ADCY8: variants seen among roughly 807,000 people sequenced by gnomAD.
ADCY8 encodes the protein adenylate cyclase type 8.
Under a neutral mutation model 119.7 loss-of-function variants are expected in ADCY8, and 51 were observed. The observed-to-expected ratio is 0.43, with a 90% CI of 0.34 to 0.54. ADCY8 has a LOEUF of 0.54. ADCY8 is among the 20% of genes least tolerant of loss of function. ADCY8 has a pLI of 0.03. For missense variants in ADCY8, 1,383 were observed against 1,598.8 expected (o/e 0.87, Z 2.30); for synonymous variants, 665 against 651.0 (o/e 1.02, Z -0.33).
chr8:130,984,238 T>C lies in ADCY8; in HGVS notation c.1110+6155A>G, dbSNP rs554197026. Among the ~76,000 whole-genome samples, 4 of 151,928 alleles carry C rather than the reference T, an allele frequency of 2.6e-5. No individual in the cohort carries two copies. The East Asian group carries it at 7.7e-4, about 29-fold the overall frequency. On this transcript the variant is annotated intron_variant, in intron 2 of 17. Transcript: ENST00000286355. Reference sequence around the variant, plus strand: ...GCTCCCTGTGGGGAGGAGAGGAGACTGCATGAGTGGGCTCCCTGTGGGGTA... The same window carrying C: ...GCTCCCTGTGGGGAGGAGAGGAGACCGCATGAGTGGGCTCCCTGTGGGGTA...
Position 130,903,982 on chromosome 8 carries a change from C to G in ADCY8, c.1701G>C (p.Glu567Asp), listed in dbSNP as rs1219015892. Residue 567 changes from glutamate to aspartate, a missense_variant, in exon 7 of 18, where the codon GAG becomes GAC. Glu to Asp is a conservative substitution (Grantham distance 45). Transcript: ENST00000286355. ...ATTCATTCCTCTCTTTACCATGGCC[C>G]TCTTCCACGTTATAGTCACCGTTGA... ...DCLNGDYNVE[E>D]GHGKERNEFL... 6.2e-7 allele frequency: 1 copy of G among 1,614,136 alleles called. No individual in the cohort carries two copies. Among genetic ancestry groups the G allele is most frequent in the Non-Finnish European group, 8.5e-7 (1 of 1,180,016 alleles).
chr8:130,850,376 A>G (rs928953455), intron 9 of ADCY8, among the ~76,000 whole-genome samples: 11 of 152,022 alleles, frequency 7.2e-5, no homozygotes, highest in African/African-American at 2.7e-4. Flanking sequence ...CTCTCATCAA[A>G]ACTCTGTCCC....
chr8:130,916,593 C>T (rs1820136258), intron 5 of ADCY8, among the ~76,000 whole-genome samples: 1 of 152,188 alleles, frequency 6.6e-6, no homozygotes, highest in Admixed American at 6.5e-5. Context: ...TCCATAATGG[C>T]CATAACGCAC....
intron 13 of ADCY8, among the ~76,000 whole-genome samples, chr8:130,814,461 T>C (rs1198365221): frequency 6.6e-6 from 1 of 152,252 alleles, no homozygotes; most frequent in Non-Finnish European, 1.5e-5. Flanking sequence ...TGTGATTTCA[T>C]ACTTGTTTGT....
chr8:130,815,724 A>T (rs554286068), intron 13 of ADCY8, among the ~76,000 whole-genome samples: 1 of 152,382 alleles, frequency 6.6e-6, no homozygotes, highest in Admixed American at 6.5e-5. Context: ...AGACAGATAT[A>T]GCTTAGAGTT....
At chr8:131,019,620 T>A (rs1009590224) in intron 1 of ADCY8, among the ~76,000 whole-genome samples, 1 of 152,200 alleles carries the variant, frequency 6.6e-6, no homozygotes, top group African/African-American at 2.4e-5. Context: ...CCTATTGCCA[T>A]ACATACAAGC....
chr8:130,833,587 T>C (rs975505536), intron 12 of ADCY8, among the ~76,000 whole-genome samples: 2 of 152,196 alleles, frequency 1.3e-5, no homozygotes, highest in Admixed American at 6.5e-5. Flanking sequence ...GATGACATTA[T>C]GTTAATGAAA....
intron 8 of ADCY8, among the ~76,000 whole-genome samples, chr8:130,880,168 A>T (rs1440695829): frequency 6.6e-6 from 1 of 152,098 alleles, no homozygotes; most frequent in Non-Finnish European, 1.5e-5. Context: ...TTCTTTTGTA[A>T]ATTGCCCCAT....
intron 3 of ADCY8, among the ~76,000 whole-genome samples, chr8:130,949,315 A>G (rs1821204637): frequency 6.6e-6 from 1 of 151,698 alleles, no homozygotes; most frequent in Non-Finnish European, 1.5e-5. Flanking sequence ...AATTTTCCTT[A>G]TTTTTCTTTT....
chr8:130,914,592 T>C (rs535684645), intron 5 of ADCY8, among the ~76,000 whole-genome samples: 2 of 152,338 alleles, frequency 1.3e-5, no homozygotes, highest in South Asian at 4.1e-4. Context: ...GGCTACCCTG[T>C]GGTTGCAAAG....
At position 130,848,945 on chromosome 8, in the gene ADCY8, T is replaced by C. The variant is rs949192888; in HGVS notation, c.2412+657A>G. ...GTGAAATACAAACTTTTAGAAAGTA[T>C]AGGTGAGATACTCAGCTTTCCTGAA... On this transcript the variant is annotated intron_variant, in intron 10 of 17. Coordinates refer to ENST00000286355, the MANE Select transcript of ADCY8 (RefSeq NM_001115.3). Among the ~76,000 whole-genome samples, 6 of 152,170 alleles carry C rather than the reference T, an allele frequency of 3.9e-5. No individual in the cohort carries two copies. The East Asian group carries it at 7.7e-4, about 20-fold the overall frequency.
chr8:130,944,549 T>C (rs1205860976), intron 3 of ADCY8, among the ~76,000 whole-genome samples: 1 of 152,220 alleles, frequency 6.6e-6, no homozygotes, highest in Non-Finnish European at 1.5e-5. Flanking sequence ...GTGGAATGTG[T>C]TGACTTACAT....
intron 5 of ADCY8, among the ~76,000 whole-genome samples, chr8:130,910,967 A>C (rs969062065): frequency 6.6e-6 from 1 of 152,200 alleles, no homozygotes; most frequent in Non-Finnish European, 1.5e-5. Flanking sequence ...TGATTATGTG[A>C]CTTCAAAATG....
chr8:130,904,019 G>A lies in ADCY8; in HGVS notation c.1664C>T (p.Thr555Met), dbSNP rs370063278. Residue 555 changes from threonine (T) to methionine (M), a missense_variant, in exon 7 of 18, where the codon ACG becomes ATG. Around this residue, in one of 2 missense-constraint regions of ADCY8, gnomAD observed 928 missense variants for 1,163.5 expected, o/e 0.80. Coordinates refer to ENST00000286355, the MANE Select transcript of ADCY8 (RefSeq NM_001115.3). The stretch of plus-strand genomic sequence containing the variant: ...ATAGTCACCGTTGAGACAGTCCAGC[G>A]TGGCTTTGGAAATGTGAATCCTCCT... ...IPGRIHISKA[T>M]LDCLNGDYNV... 3.0e-5 allele frequency: 48 copies of A among 1,613,164 alleles called. No homozygotes were observed. Among genetic ancestry groups the A allele is most frequent in the African/African-American group, 6.7e-5 (5 of 74,914 alleles).
At chr8:130,940,336 G>A (rs1296970544) in intron 4 of ADCY8, among the ~76,000 whole-genome samples, 2 of 152,172 alleles carry the variant, frequency 1.3e-5, no homozygotes, top group African/African-American at 2.4e-5. Context: ...GAAGGAGATT[G>A]TGTAAAATAG....
At chr8:130,808,035 A>G (rs1389680502) in intron 14 of ADCY8, among the ~76,000 whole-genome samples, 1 of 148,472 alleles carries the variant, frequency 6.7e-6, no homozygotes, top group Non-Finnish European at 1.5e-5. Flanking sequence ...GCCAGTATCA[A>G]GTATTTGGTT....
chr8:130,829,379 G>GAAGACAA, intron 12 of ADCY8, among the ~76,000 whole-genome samples: 1 of 152,276 alleles, frequency 6.6e-6, no homozygotes, highest in African/African-American at 2.4e-5. Context: ...GAAGGGGCTG[G>GAAGACAA]TATCATCTTT....
At chr8:131,001,420 G>C (rs1263181338) in intron 1 of ADCY8, among the ~76,000 whole-genome samples, 1 of 151,944 alleles carries the variant, frequency 6.6e-6, no homozygotes, top group Non-Finnish European at 1.5e-5. Context: ...CTAGCCATGT[G>C]AGTTTAGGCA....
intron 2 of ADCY8, among the ~76,000 whole-genome samples, chr8:130,976,788 G>T (rs934814514): frequency 1.3e-5 from 2 of 152,056 alleles, no homozygotes; most frequent in Non-Finnish European, 2.9e-5. Context: ...ATTCTCAGGA[G>T]ATTATATATC....
Sources: gnomAD v4.1 joint callset for allele counts (sites outside exome capture counted in the v4.1 genomes callset) on GRCh38, gnomAD v4.1.1 for gene constraint, gnomAD v4.1.1 regional missense constraint, MANE v1.5 for transcripts, NCBI Gene and HGNC (gene_info 2026-07-23, HGNC 2026-07-21) for gene names.